NBEAL2: variants seen among roughly 807,000 people sequenced by gnomAD.
NBEAL2 encodes neurobeachin-like protein 2.
In NBEAL2, 160 loss-of-function variants were observed where a neutral mutation model predicts 299.8. That is an observed-to-expected ratio of 0.53 (90% CI 0.47 to 0.61). NBEAL2 has a LOEUF of 0.61. Ranked by LOEUF, NBEAL2 falls within the 20% of genes least tolerant of loss-of-function variation. The probability of loss-of-function intolerance (pLI) is 0.00; values close to 1 mark genes in which losing one functional copy is unlikely to be tolerated. For missense variants in NBEAL2, 3,112 were observed against 3,649.0 expected, an observed-to-expected ratio of 0.85 and a Z score of 3.79; for synonymous variants, 1,493 against 1,542.3, an observed-to-expected ratio of 0.97 and a Z score of 0.75.
Position 47,001,909 on chromosome 3 carries a change from T to G in NBEAL2, c.4783-11T>G, listed in dbSNP as rs776498186. On this transcript the variant is annotated splice_polypyrimidine_tract_variant and intron_variant, in intron 30 of 53. Coordinates refer to ENST00000450053, the MANE Select transcript of NBEAL2 (RefSeq NM_015175.3). The surrounding 1 kb of genome is among the most constrained non-coding windows in gnomAD (Gnocchi z 6.1). ...GTGGCTGGGTGCCACTCATCTCTCT[T>G]GCGCCCACAGCTGCATGCCCAGGCC... 3.5e-5 allele frequency: 56 copies of G among 1,605,470 alleles called. No individual in the cohort carries two copies. The highest frequency in any genetic ancestry group is 3.2e-5 in the Non-Finnish European group (38 of 1,174,124).
chr3:46,995,884 A>C, intron 14 of NBEAL2, 38 bp downstream of exon 14: 1 of 1,613,380 alleles, frequency 6.2e-7, no homozygotes, highest in Non-Finnish European at 8.5e-7. Flanking sequence ...CAGTAGAGAG[A>C]GGGGTGCTGA....
chr3:46,999,824 G>A, intron 26 of NBEAL2, 65 bp from the exon 27 acceptor site: 1 of 1,597,798 alleles, frequency 6.3e-7, no homozygotes, highest in Non-Finnish European at 8.6e-7. Context: ...CTCTGCAAAG[G>A]CCCTGGATGA....
chr3:46,991,309 G>A lies in NBEAL2; in HGVS notation c.642+5G>A. ...GCCGTCCTCGCTGGAGGAAAGGTAGGCTGGGAGGTGAGCCTGTGGACTAGA... is the reference window on the plus strand; with the variant it reads ...GCCGTCCTCGCTGGAGGAAAGGTAGACTGGGAGGTGAGCCTGTGGACTAGA... On this transcript the variant is annotated splice_donor_5th_base_variant and intron_variant, in intron 7 of 53. Coordinates refer to ENST00000450053, the MANE Select transcript of NBEAL2 (RefSeq NM_015175.3). The surrounding 1 kb of genome is among the most constrained non-coding windows in gnomAD (Gnocchi z 6.2). The A allele has an allele frequency of 3.1e-6, 5 of 1,597,956 alleles. No homozygotes were observed. The highest frequency in any genetic ancestry group is 4.3e-6 in the Non-Finnish European group (5 of 1,171,970).
In NBEAL2 at chr3:46,988,523, CACA is replaced by C; in HGVS notation, c.52-145_52-143del. The C allele has an allele frequency of 1.7e-6, 1 of 604,652 alleles. No individual in the cohort carries two copies. Among genetic ancestry groups the C allele is most frequent in the South Asian group, 2.2e-5 (1 of 46,104 alleles). 37.5% of individuals were successfully genotyped at this position (604,652 alleles called of 1,614,324 possible). A position where few individuals can be genotyped will look rare whatever the true frequency, so the allele number is the denominator to read the frequency against. ...TCCCCCGTCCCCCACTCCCCTTCTC[CACA>C]CCCTCCACTCTGCCTTTAACCCCTT... is the stretch of plus-strand genomic sequence containing the variant. On this transcript the variant is annotated intron_variant, in intron 1 of 53. Transcript: ENST00000450053. The surrounding 1 kb of genome is among the most constrained non-coding windows in gnomAD (Gnocchi z 4.4).
At position 46,991,178 on chromosome 3, in the gene NBEAL2, C is replaced by A; in HGVS notation, c.557-41C>A. The A allele has an allele frequency of 6.5e-7, 1 of 1,541,018 alleles. No individual in the cohort carries two copies. Among genetic ancestry groups the A allele is most frequent in the Non-Finnish European group, 8.9e-7 (1 of 1,129,270 alleles). The stretch of plus-strand genomic sequence containing the variant: ...GCAGCCCCCTGGGTCCATAGCCCTG[C>A]AACCTTGGTGACATTACCCTGCCCA... On this transcript the variant is annotated intron_variant, in intron 6 of 53. Coordinates refer to ENST00000450053, the MANE Select transcript of NBEAL2 (RefSeq NM_015175.3). This position sits in a 1 kb window ranked among gnomAD's most constrained non-coding sequence, Gnocchi z 6.2.
At chr3:46,998,696 G>C in intron 22 of NBEAL2, 21 bp from the exon 23 acceptor site, 1 of 1,564,236 alleles carries the variant, frequency 6.4e-7, no homozygotes, top group Non-Finnish European at 8.7e-7. Flanking sequence ...ACCTGGCTGG[G>C]TGTGCCTACT....
In NBEAL2 at chr3:46,979,794, C is replaced by T; in HGVS notation, c.-68C>T. 1 of 383,974 alleles carries T rather than the reference C, an allele frequency of 2.6e-6. No individual in the cohort carries two copies. Among genetic ancestry groups the T allele is most frequent in the Non-Finnish European group, 4.6e-6 (1 of 217,840 alleles). The allele number at this position is 383,974 out of a possible 1,614,324, so 23.8% of individuals were successfully genotyped here. On this transcript the variant is annotated 5_prime_UTR_variant, in exon 1 of 54. Coordinates refer to ENST00000450053, the MANE Select transcript of NBEAL2 (RefSeq NM_015175.3). ...CTCCGCCCATGGGCCTGGCCGAGGG[C>T]AACCGGCGGGCGGCGCGGAGGAGGC...
At position 47,004,653 on chromosome 3, in the gene NBEAL2, C is replaced by T. The variant is rs1354772921; in HGVS notation, c.6294+63C>T. On this transcript the variant is annotated intron_variant, in intron 38 of 53. Coordinates refer to ENST00000450053, the MANE Select transcript of NBEAL2 (RefSeq NM_015175.3). The surrounding 1 kb of genome is among the most constrained non-coding windows in gnomAD (Gnocchi z 5.0). ...TCTGACCTGTCAGCCCTTGGTTCCC[C>T]CAAGTGTAGGTACCTGCCAGTGGGC... 2.8e-5 allele frequency: 42 copies of T among 1,527,074 alleles called. No homozygotes were observed. Among genetic ancestry groups the T allele is most frequent in the Non-Finnish European group, 3.1e-5 (34 of 1,103,230 alleles). 94.6% of individuals were successfully genotyped at this position (1,527,074 alleles called of 1,614,324 possible).
rs766130767 is a variant in NBEAL2, at chr3:47,003,204, C to T, written c.5615C>T (p.Ala1872Val). The change falls in exon 35 of 54, where the codon GCC becomes GTC. Residue 1872 changes from alanine to valine, a missense_variant. Ala to Val is a moderately conservative substitution (Grantham distance 64). Around this residue, in one of 3 missense-constraint regions of NBEAL2, gnomAD observed 2,243 missense variants for 2,538.1 expected, o/e 0.88. Transcript: ENST00000450053. The surrounding 1 kb of genome is among the most constrained non-coding windows in gnomAD (Gnocchi z 7.0). ...GEVPLTPTEE[A>V]SLPLAVTKEA... ...GTTCCCCTGACACCCACCGAGGAGG[C>T]CTCACTGCCTCTGGCAGTGACCAAA... is the stretch of plus-strand genomic sequence containing the variant. 1.7e-5 allele frequency: 27 copies of T among 1,612,138 alleles called. No homozygotes were observed. Among genetic ancestry groups the T allele is most frequent in the Non-Finnish European group, 2.1e-5 (25 of 1,179,034 alleles).
intron 1 of NBEAL2, among the ~76,000 whole-genome samples, chr3:46,981,335 G>C (rs549330199): frequency 3.5e-4 from 53 of 152,248 alleles, no homozygotes; most frequent in Non-Finnish European, 5.3e-4. Flanking sequence ...CCAGCTACTC[G>C]GGAGGCTGAG....
rs1180730607 is a variant in NBEAL2, at chr3:47,001,035, C to G, written c.4340C>G (p.Thr1447Ser). The part of the protein sequence containing the change: ...TSEEELCNLL[T>S]NVLFSVTWRG... The stretch of plus-strand genomic sequence containing the variant: ...GAGGAAGAGTTGTGCAATCTGCTCA[C>G]CAACGTGCTGTTCTCGGTGACGTGG... The change falls in exon 28 of 54, where the codon ACC (threonine) becomes AGC (serine). Residue 1447 changes from threonine to serine, a missense_variant. By Grantham distance (58) the Thr-to-Ser change is moderately conservative (BLOSUM62 1). Around this residue, in one of 3 missense-constraint regions of NBEAL2, gnomAD observed 2,243 missense variants for 2,538.1 expected, o/e 0.88. Coordinates refer to ENST00000450053, the MANE Select transcript of NBEAL2 (RefSeq NM_015175.3). This position sits in a 1 kb window ranked among gnomAD's most constrained non-coding sequence, Gnocchi z 6.1. 4 of 1,611,994 alleles carry G rather than the reference C, an allele frequency of 2.5e-6. No homozygotes were observed. Among genetic ancestry groups the G allele is most frequent in the Non-Finnish European group, 3.4e-6 (4 of 1,179,240 alleles).
rs779405002 is a variant in NBEAL2, at chr3:47,001,981, G to A, written c.4844G>A (p.Arg1615His). 4.5e-5 allele frequency: 72 copies of A among 1,607,838 alleles called. No individual in the cohort carries two copies. The highest frequency in any genetic ancestry group is 5.5e-5 in the South Asian group (5 of 90,668). The change falls in exon 31 of 54, where the codon CGC (arginine) becomes CAC (histidine). Residue 1615 changes from arginine to histidine, a missense_variant. Around this residue, in one of 3 missense-constraint regions of NBEAL2, gnomAD observed 2,243 missense variants for 2,538.1 expected, o/e 0.88. Transcript: ENST00000450053. The surrounding 1 kb of genome is among the most constrained non-coding windows in gnomAD (Gnocchi z 6.1). ...MLLQTAVPAR[R>H]EEACYVLSKL... ...CTACAGACTGCAGTGCCAGCCCGCC[G>A]CGAGGAGGCCTGCTATGTGCTCTCC...
Position 46,988,010 on chromosome 3 carries a change from G to A in NBEAL2, c.52-659G>A. Reference sequence around the variant, plus strand: ...CGTTCACACCAAAGTTTTCCTGGCAGCGCCTAGACCTGGGCTTAGCCACTG... The same window carrying A: ...CGTTCACACCAAAGTTTTCCTGGCAACGCCTAGACCTGGGCTTAGCCACTG... On this transcript the variant is annotated intron_variant, in intron 1 of 53. Coordinates refer to ENST00000450053, the MANE Select transcript of NBEAL2 (RefSeq NM_015175.3). The surrounding 1 kb of genome is among the most constrained non-coding windows in gnomAD (Gnocchi z 4.4). The A allele has an allele frequency of 7.8e-7, 1 of 1,278,164 alleles. No homozygotes were observed. The highest frequency in any genetic ancestry group is 1.2e-5 in the South Asian group (1 of 80,532). 79.2% of individuals were successfully genotyped at this position (1,278,164 alleles called of 1,614,324 possible).
rs1415066457 is a variant in NBEAL2, at chr3:47,000,213, G to C, written c.4114G>C (p.Gly1372Arg). 5 of 1,613,604 alleles carry C rather than the reference G, an allele frequency of 3.1e-6. No homozygotes were observed. Among genetic ancestry groups the C allele is most frequent in the Admixed American group, 3.3e-5 (2 of 60,012 alleles). The change falls in exon 27 of 54, where the codon GGT becomes CGT. Residue 1372 changes from glycine (G) to arginine (R), a missense_variant. Coordinates refer to ENST00000450053, the MANE Select transcript of NBEAL2 (RefSeq NM_015175.3). The surrounding 1 kb of genome is among the most constrained non-coding windows in gnomAD (Gnocchi z 4.5). ...TAGTGTAGGATCAGGCAACACTGCTGGTGGTGGCGGCAGCAGTGGGACTCT... is the reference window on the plus strand; with the variant it reads ...TAGTGTAGGATCAGGCAACACTGCTCGTGGTGGCGGCAGCAGTGGGACTCT... ...RSSVGSGNTA[G>R]GGGSSGTLTP... is the part of the protein sequence containing the mutation.
chr3:47,001,221 TC>T lies in NBEAL2; in HGVS notation c.4484+43del, dbSNP rs2036959503. ...GGAGGGGGAGGGGCTTCAGGAAGCC[TC>T]GGGGGAAGGAGAGAAGATAGTCAGG... is the stretch of plus-strand genomic sequence containing the variant. On this transcript the variant is annotated intron_variant, in intron 28 of 53. Transcript: ENST00000450053. The surrounding 1 kb of genome is among the most constrained non-coding windows in gnomAD (Gnocchi z 6.1). 1 of 1,600,936 alleles carries T rather than the reference TC, an allele frequency of 6.2e-7. No homozygotes were observed. Among genetic ancestry groups the T allele is most frequent in the Non-Finnish European group, 8.5e-7 (1 of 1,171,002 alleles).
At chr3:46,985,288 G>T (rs984888962) in intron 1 of NBEAL2, among the ~76,000 whole-genome samples, 3 of 152,212 alleles carry the variant, frequency 2.0e-5, no homozygotes, top group South Asian at 4.1e-4. Context: ...TGATCAAGCC[G>T]TGATGGTGAC....
intron 1 of NBEAL2, among the ~76,000 whole-genome samples, chr3:46,986,085 G>C (rs1559580029): frequency 6.6e-6 from 1 of 152,250 alleles, no homozygotes; most frequent in Middle Eastern, 3.4e-3. Context: ...AGGGAGGCAG[G>C]ACAGGCAGCC....
Position 47,004,039 on chromosome 3 carries a change from G to A in NBEAL2, c.5882-38G>A. 6.2e-7 allele frequency: 1 copy of A among 1,606,080 alleles called. No individual in the cohort carries two copies. Among genetic ancestry groups the A allele is most frequent in the Non-Finnish European group, 8.5e-7 (1 of 1,174,408 alleles). On this transcript the variant is annotated intron_variant, in intron 36 of 53. Transcript: ENST00000450053. This position sits in a 1 kb window ranked among gnomAD's most constrained non-coding sequence, Gnocchi z 5.0. ...AATGGCTGAGCTCTGGGTGGGGCTG[G>A]GGTGAGTGACTCCCGTACCTGCTGT...
chr3:46,982,885 G>A lies in NBEAL2; in HGVS notation c.51+2973G>A, dbSNP rs1442082370. On this transcript the variant is annotated intron_variant, in intron 1 of 53. Transcript: ENST00000450053. This position sits in a 1 kb window ranked among gnomAD's most constrained non-coding sequence, Gnocchi z 4.2. ...GCTCCCCCAGGGTAGGCATAGGAAG[G>A]GCAGGAGAGTCTTGGGGGACTGGGG... 6.6e-6 allele frequency among the ~76,000 whole-genome samples: 1 copy of A among 152,186 alleles called. No individual in the cohort carries two copies. The highest frequency in any genetic ancestry group is 1.5e-5 in the Non-Finnish European group (1 of 68,038).
Sources: allele counts gnomAD v4.1 joint callset (sites outside exome capture counted in the v4.1 genomes callset), GRCh38; gene constraint gnomAD v4.1.1; regional missense constraint gnomAD v4.1.1; non-coding constraint Gnocchi (gnomAD v3.1); transcripts MANE v1.5; gene names NCBI Gene and HGNC (gene_info 2026-07-23, HGNC 2026-07-21).